KAZN: variants seen among roughly 807,000 people sequenced by gnomAD.
KAZN encodes the protein kazrin.
In KAZN, 40 loss-of-function variants were observed where a neutral mutation model predicts 87.4. The observed-to-expected ratio is 0.46, with a 90% confidence interval of 0.36 to 0.60. The LOEUF is 0.60. Among genes scored for constraint, KAZN ranks in the 20% least tolerant of loss-of-function variants. KAZN has a pLI of 0.00. For synonymous variants in KAZN, 466 were observed against 458.3 expected, an observed-to-expected ratio of 1.02 and a Z score of -0.22; for missense variants, 898 against 1,073.9, an observed-to-expected ratio of 0.84 and a Z score of 2.29.
chr1:14,880,629 C>G (rs115739054), intron 1 of KAZN, among the ~76,000 whole-genome samples: 344 of 152,254 alleles, frequency 2.3e-3, no homozygotes, highest in African/African-American at 7.0e-3. Flanking sequence ...AGTTCCTCTT[C>G]CAAGATGATG....
chr1:15,004,445 A>G (rs548015836), intron 2 of KAZN, among the ~76,000 whole-genome samples: 1 of 152,336 alleles, frequency 6.6e-6, no homozygotes, highest in Non-Finnish European at 1.5e-5. Context: ...GCTACTTTCT[A>G]GCTGTTACCA....
At chr1:13,945,042 T>C (rs1570351893) in intron 1 of KAZN, among the ~76,000 whole-genome samples, 1 of 152,090 alleles carries the variant, frequency 6.6e-6, no homozygotes, top group Middle Eastern at 3.4e-3. Flanking sequence ...AGAAAGCTAG[T>C]GTCATTTAAA....
intron 1 of KAZN, among the ~76,000 whole-genome samples, chr1:14,048,684 C>T (rs1642181857): frequency 6.6e-6 from 1 of 152,194 alleles, no homozygotes; most frequent in Non-Finnish European, 1.5e-5. Context: ...GGATTACAGG[C>T]ATGAGCCACT....
At chr1:13,966,360 T>G (rs1641943952) in intron 1 of KAZN, among the ~76,000 whole-genome samples, 1 of 152,152 alleles carries the variant, frequency 6.6e-6, no homozygotes, top group Non-Finnish European at 1.5e-5. Context: ...GCTCTTTGCT[T>G]GAACTTCTTC....
intron 2 of KAZN, among the ~76,000 whole-genome samples, chr1:14,196,039 C>G (rs1570987956): frequency 6.6e-6 from 1 of 152,064 alleles, no homozygotes; most frequent in African/African-American, 2.4e-5. Flanking sequence ...GTGGATAAAC[C>G]AAGTGGATGT....
chr1:14,632,108 G>T (rs898511529), intron 1 of KAZN, among the ~76,000 whole-genome samples: 6 of 152,160 alleles, frequency 3.9e-5, no homozygotes, highest in African/African-American at 1.2e-4. Flanking sequence ...GTTTCTGGGG[G>T]GCTTTGCTGT....
At chr1:14,246,849 C>G (rs1464438936) in intron 2 of KAZN, among the ~76,000 whole-genome samples, 1 of 152,068 alleles carries the variant, frequency 6.6e-6, no homozygotes, top group Non-Finnish European at 1.5e-5. Context: ...CAGATGGAAG[C>G]CTAGCTGTGG....
intron 2 of KAZN, among the ~76,000 whole-genome samples, chr1:14,439,131 C>T (rs1004252142): frequency 5.9e-5 from 9 of 152,198 alleles, no homozygotes; most frequent in African/African-American, 2.2e-4. Flanking sequence ...CTGAACTCAT[C>T]GTTTTTCTCC....
chr1:14,958,068 G>A (rs966023141), intron 1 of KAZN, among the ~76,000 whole-genome samples: 3 of 152,170 alleles, frequency 2.0e-5, no homozygotes, highest in African/African-American at 2.4e-5. Flanking sequence ...GGAGAGAGGC[G>A]CCCCATCCTC....
At chr1:14,786,864 C>T (rs1334298876) in intron 1 of KAZN, among the ~76,000 whole-genome samples, 1 of 152,162 alleles carries the variant, frequency 6.6e-6, no homozygotes, top group Non-Finnish European at 1.5e-5. Flanking sequence ...CAGGGTGAAT[C>T]TTCTAGTAAA....
chr1:14,023,720 A>G (rs555458054), intron 1 of KAZN, among the ~76,000 whole-genome samples: 1 of 152,320 alleles, frequency 6.6e-6, no homozygotes, highest in African/African-American at 2.4e-5. Context: ...AAGCAGTAGG[A>G]GGTAGAATTG....
intron 1 of KAZN, among the ~76,000 whole-genome samples, chr1:14,779,909 G>C (rs532424110): frequency 6.6e-6 from 1 of 152,148 alleles, no homozygotes; most frequent in Non-Finnish European, 1.5e-5. Flanking sequence ...ACATTCTCTC[G>C]TGCATTGCTG....
intron 2 of KAZN, among the ~76,000 whole-genome samples, chr1:14,501,794 C>T (rs80033540): frequency 0.03 from 4,622 of 152,292 alleles, 91 homozygotes; most frequent in Admixed American, 0.055. Flanking sequence ...GAAGATTATT[C>T]AGCCATAAAA....
chr1:14,607,238 A>G (rs1010479935), intron 1 of KAZN, among the ~76,000 whole-genome samples: 1 of 152,242 alleles, frequency 6.6e-6, no homozygotes, highest in Admixed American at 6.5e-5. Flanking sequence ...TTCTTTACCT[A>G]TAATACCTCA....
chr1:14,672,062 G>T (rs1639950433), intron 1 of KAZN, among the ~76,000 whole-genome samples: 1 of 152,010 alleles, frequency 6.6e-6, no homozygotes, highest in African/African-American at 2.4e-5. Flanking sequence ...TCAGAATTTT[G>T]TCCTTATTTT....
At chr1:14,334,528 C>G (rs1245445770) in intron 2 of KAZN, among the ~76,000 whole-genome samples, 1 of 152,062 alleles carries the variant, frequency 6.6e-6, no homozygotes, top group Non-Finnish European at 1.5e-5. Context: ...CTTTCACTTT[C>G]ACGCTGCAGG....
chr1:14,485,009 G>A (rs1669272842), intron 2 of KAZN, among the ~76,000 whole-genome samples: 1 of 152,188 alleles, frequency 6.6e-6, no homozygotes, highest in African/African-American at 2.4e-5. Flanking sequence ...CAATGAAGAG[G>A]TTGTGCAAAC....
chr1:13,899,832 TG>T (rs969258226), intron 1 of KAZN, among the ~76,000 whole-genome samples: 1 of 151,940 alleles, frequency 6.6e-6, no homozygotes, highest in African/African-American at 2.4e-5. Context: ...TTAGTAGAGA[TG>T]GGGTTTCACC....
intron 2 of KAZN, among the ~76,000 whole-genome samples, chr1:14,244,101 G>C (rs1649267767): frequency 6.6e-6 from 1 of 152,144 alleles, no homozygotes; most frequent in Admixed American, 6.5e-5. Flanking sequence ...CCGCCATGTG[G>C]CTTCTGTTAA....
Sources: gnomAD v4.1 joint callset for allele counts (sites outside exome capture counted in the v4.1 genomes callset) on GRCh38, gnomAD v4.1.1 for gene constraint, MANE v1.5 for transcripts, NCBI Gene and HGNC (gene_info 2026-07-23, HGNC 2026-07-21) for gene names.